Variants in TERF1 observed in about 807,000 individuals in gnomAD.
TERF1 encodes telomeric repeat binding factor 1, also known as telomeric repeat-binding factor 1.
TERF1 carries 20 observed loss-of-function variants against 55.1 expected under a neutral mutation model. The ratio of observed to expected loss-of-function variants is 0.36; its 90% CI spans 0.26 to 0.53. The LOEUF is 0.53. Ranked by LOEUF, TERF1 falls within the 20% of genes least tolerant of loss-of-function variation. The pLI, the probability that TERF1 is intolerant of heterozygous loss-of-function variation, is 0.91. For synonymous variants in TERF1, 168 were observed against 181.2 expected, an observed-to-expected ratio of 0.93 and a Z score of 0.59; for missense variants, 439 against 535.7, an observed-to-expected ratio of 0.82 and a Z score of 1.78.
At chr8:73,018,620 A>G (rs1214198580) in intron 2 of TERF1, among the ~76,000 whole-genome samples, 1 of 152,214 alleles carries the variant, frequency 6.6e-6, no homozygotes, top group Non-Finnish European at 1.5e-5. Context: ...AGGTTGCAGT[A>G]AGCCGAGATC....
chr8:73,031,809 A>G, intron 7 of TERF1: 1 of 323,694 alleles, frequency 3.1e-6, no homozygotes. Context: ...CTGAGACATC[A>G]AAAAACATCT....
intron 5 of TERF1, among the ~76,000 whole-genome samples, chr8:73,026,683 G>C (rs1195997277): frequency 6.7e-6 from 1 of 150,268 alleles, no homozygotes; most frequent in East Asian, 1.9e-4. Context: ...ATTGCCTAGA[G>C]AGCATTTTGT....
chr8:73,020,432 C>T lies in TERF1; in HGVS notation c.416-252C>T, dbSNP rs1011164430. 4.6e-5 allele frequency among the ~76,000 whole-genome samples: 7 copies of T among 152,058 alleles called. No individual in the cohort carries two copies. The East Asian group carries it at 7.7e-4, about 17-fold the overall frequency. On this transcript the variant is annotated intron_variant, in intron 2 of 9. Transcript: ENST00000276603. ...CATGTTATGTAAAATAGTTTACTTT[C>T]GTTCTTAAAATTCATGTTTTTGTAA...
intron 3 of TERF1, 55 bp downstream of exon 3, chr8:73,020,860 G>T (rs1563459645): frequency 1.9e-6 from 2 of 1,060,758 alleles, no homozygotes; most frequent in African/African-American, 1.6e-5. Context: ...ACATTTAAAA[G>T]AAATTAAGAG....
At chr8:73,016,381 ACAG>A (rs1285678978) in intron 2 of TERF1, among the ~76,000 whole-genome samples, 1 of 151,800 alleles carries the variant, frequency 6.6e-6, no homozygotes, top group Non-Finnish European at 1.5e-5. Context: ...GCTCTGAAAT[ACAG>A]CAGATATCTT....
chr8:73,029,206 G>A (rs1242876027), intron 6 of TERF1, among the ~76,000 whole-genome samples: 2 of 152,192 alleles, frequency 1.3e-5, no homozygotes, highest in African/African-American at 4.8e-5. Context: ...ATGAAGACTA[G>A]ATGAAATAAA....
chr8:73,025,121 A>T (rs1808923879), intron 5 of TERF1, 150 bp downstream of exon 5: 1 of 485,274 alleles, frequency 2.1e-6, no homozygotes, highest in African/African-American at 2.0e-5. Flanking sequence ...CATTTTGTGG[A>T]CCTAATTAAA....
At position 73,032,122 on chromosome 8, in the gene TERF1, G is replaced by A. The variant is rs777142237; in HGVS notation, c.1028G>A (p.Gly343Glu). The change falls in exon 8 of 10, where the codon GGA becomes GAA. Residue 343 changes from glycine to glutamate, a missense_variant. Coordinates refer to ENST00000276603, the MANE Select transcript of TERF1 (RefSeq NM_017489.3). ...CTTAATAAGAAAGAAAGAAGAGTAG[G>A]AACTCCTCAAAGTGAGTACTGTTAT... The part of the protein sequence containing the change: ...QDLNKKERRV[G>E]TPQSTKKKKE... 1 of 1,609,598 alleles carries A rather than the reference G, an allele frequency of 6.2e-7. No homozygotes were observed. Among genetic ancestry groups the A allele is most frequent in the African/African-American group, 1.3e-5 (1 of 74,778 alleles).
intron 9 of TERF1, among the ~76,000 whole-genome samples, chr8:73,041,954 C>A (rs966151440): frequency 6.6e-6 from 1 of 152,140 alleles, no homozygotes; most frequent in Non-Finnish European, 1.5e-5. Flanking sequence ...CTGCTCCTGG[C>A]CTTTCTGTCC....
chr8:73,018,026 A>G (rs2129750786), intron 2 of TERF1, among the ~76,000 whole-genome samples: 1 of 152,258 alleles, frequency 6.6e-6, no homozygotes, highest in Non-Finnish European at 1.5e-5. Context: ...AATATTTTTC[A>G]AAAGCTCTTC....
intron 8 of TERF1, among the ~76,000 whole-genome samples, chr8:73,034,873 A>G (rs904119127): frequency 5.3e-5 from 8 of 152,172 alleles, no homozygotes; most frequent in African/African-American, 1.9e-4. Context: ...GTATGAATAG[A>G]ACAGGAGCCA....
intron 3 of TERF1, 108 bp downstream of exon 3, chr8:73,020,913 T>C: frequency 1.3e-6 from 1 of 754,400 alleles, no homozygotes; most frequent in Non-Finnish European, 2.1e-6. Flanking sequence ...TAATGTATTG[T>C]TTCTCTTCAG....
At chr8:73,044,881 A>T (rs1299464325) in intron 9 of TERF1, among the ~76,000 whole-genome samples, 1 of 152,150 alleles carries the variant, frequency 6.6e-6, no homozygotes, top group Non-Finnish European at 1.5e-5. Context: ...AGGCTGAATT[A>T]TATAAGTATA....
Position 73,038,845 on chromosome 8 carries a change from T to A in TERF1, c.1040-271T>A, listed in dbSNP as rs977854094. ...GCAATAAATATTTTTCCTTTTTTTT[T>A]AAACAGATAATGGAAAGACAGGTTC... On this transcript the variant is annotated intron_variant, in intron 8 of 9. Coordinates refer to ENST00000276603, the MANE Select transcript of TERF1 (RefSeq NM_017489.3). The A allele has an allele frequency of 1.1e-5, 7 of 662,262 alleles. No homozygotes were observed. In the African/African-American group the frequency reaches 1.3e-4, roughly 13 times the overall value. The allele number at this position is 662,262 out of a possible 1,614,324, so 41.0% of individuals were successfully genotyped here.
chr8:73,047,196 T>C lies in TERF1; in HGVS notation c.*1059T>C, dbSNP rs1366829693. ...TCTAAAATAAAAATCGAAATAATTT[T>C]TTTAAAAAAGAAAAAGACAATAGTA... On this transcript the variant is annotated 3_prime_UTR_variant, in exon 10 of 10. Transcript: ENST00000276603. 6.6e-6 allele frequency: 1 copy of C among 152,132 alleles called. No individual in the cohort carries two copies. The highest frequency in any genetic ancestry group is 1.5e-5 in the Non-Finnish European group (1 of 68,022). The allele number at this position is 152,132 out of a possible 1,614,324, so 9.4% of individuals were successfully genotyped here.
At chr8:73,037,439 A>G (rs896616239) in intron 8 of TERF1, among the ~76,000 whole-genome samples, 3 of 132,084 alleles carry the variant, frequency 2.3e-5, no homozygotes, top group Admixed American at 9.8e-5. Context: ...AATATATAAT[A>G]TATATTATAT....
chr8:73,013,945 T>A lies in TERF1; in HGVS notation c.370T>A (p.Tyr124Asn), dbSNP rs375680818. ...AACAGCTTGCCAGTTGAGAACGATA[T>A]ACATATGTCAGTTTTTGACAAGAAT... ...SLTACQLRTI[Y>N]ICQFLTRIAA... Residue 124 changes from tyrosine (Y) to asparagine (N), a missense_variant, in exon 2 of 10, where the codon TAC becomes AAC. Tyr to Asn is a moderately radical substitution (Grantham distance 143, BLOSUM62 -2). Transcript: ENST00000276603. 3 of 1,611,462 alleles carry A rather than the reference T, an allele frequency of 1.9e-6. No homozygotes were observed. Among genetic ancestry groups the A allele is most frequent in the African/African-American group, 2.7e-5 (2 of 74,844 alleles).
intron 9 of TERF1, among the ~76,000 whole-genome samples, chr8:73,041,489 G>A (rs773875424): frequency 1.3e-5 from 2 of 152,176 alleles, no homozygotes; most frequent in Non-Finnish European, 2.9e-5. Flanking sequence ...CCTAGGCTGT[G>A]ACCTTCATAA....
chr8:73,019,487 C>G (rs1038012405), intron 2 of TERF1, among the ~76,000 whole-genome samples: 1 of 152,162 alleles, frequency 6.6e-6, no homozygotes, highest in East Asian at 1.9e-4. Flanking sequence ...AACTACTTGC[C>G]TTTTCCATCA....
Sources: allele counts gnomAD v4.1 joint callset (sites outside exome capture counted in the v4.1 genomes callset), GRCh38; gene constraint gnomAD v4.1.1; transcripts MANE v1.5; gene names NCBI Gene and HGNC (gene_info 2026-07-23, HGNC 2026-07-21).